DNAJC2: variants seen among roughly 807,000 people sequenced by gnomAD.
The protein encoded by DNAJC2 is DnaJ heat shock protein family (Hsp40) member C2.
DNAJC2 carries 32 observed loss-of-function variants against 94.0 expected under a neutral mutation model. The ratio of observed to expected loss-of-function variants is 0.34; its 90% CI spans 0.26 to 0.46. DNAJC2 has a LOEUF of 0.46. Among genes scored for constraint, DNAJC2 ranks in the 20% least tolerant of loss-of-function variants. DNAJC2 has a pLI of 1.00. For synonymous variants in DNAJC2, 210 were observed against 229.7 expected, an observed-to-expected ratio of 0.91 and a Z score of 0.77; for missense variants, 550 against 719.5, an observed-to-expected ratio of 0.76 and a Z score of 2.69.
Position 103,327,760 on chromosome 7 carries a change from AAACCAGTCAGATTGAG to A in DNAJC2, c.332-22_332-7del, listed in dbSNP as rs1818783079. 2 of 1,597,914 alleles carry A rather than the reference AAACCAGTCAGATTGAG, an allele frequency of 1.3e-6. No individual in the cohort carries two copies. The highest frequency in any genetic ancestry group is 2.7e-5 in the African/African-American group (2 of 74,548). ...TTTTAAAACCATTGCTTTATCTACAAAACCAGTCAGATTGAGATAATTTGTCACTTTAAGCACCAAA... is the reference window on the plus strand; with the variant it reads ...TTTTAAAACCATTGCTTTATCTACAAATAATTTGTCACTTTAAGCACCAAA... On this transcript the variant is annotated splice_region_variant and splice_polypyrimidine_tract_variant and intron_variant, in intron 3 of 16. Transcript: ENST00000379263.
chr7:103,319,660 T>C lies in DNAJC2; in HGVS notation c.1191A>G (p.Glu397=), dbSNP rs369916864. The change falls in exon 12 of 17, where the codon GAA becomes GAG. Residue 397 remains glutamate, a synonymous_variant. Coordinates refer to ENST00000379263, the MANE Select transcript of DNAJC2 (RefSeq NM_014377.3). ...CTTCTTTTGTGCATGATGTGAGTGTTTCATTCAAGCACTGTAAGCTAAAGA... is the reference window on the plus strand; with the variant it reads ...CTTCTTTTGTGCATGATGTGAGTGTCTCATTCAAGCACTGTAAGCTAAAGA... The part of the protein sequence containing the change: ...LELASLQCLN[E]TLTSCTKEVG... The C allele has an allele frequency of 1.2e-6, 2 of 1,613,990 alleles. No individual in the cohort carries two copies. The highest frequency in any genetic ancestry group is 2.7e-5 in the African/African-American group (2 of 74,904).
chr7:103,323,799 C>T, intron 6 of DNAJC2, 136 bp from the exon 7 acceptor site: 1 of 674,532 alleles, frequency 1.5e-6, no homozygotes, highest in Non-Finnish European at 2.1e-6. Flanking sequence ...AGTCTTTCTC[C>T]TTTTTTAAGG....
rs1817830156 is a variant in DNAJC2 at position 103,312,855 on chromosome 7, A to G, written c.1791+92T>C. On this transcript the variant is annotated intron_variant, in intron 16 of 16. Coordinates refer to ENST00000379263, the MANE Select transcript of DNAJC2 (RefSeq NM_014377.3). ...CTACTGGTTTTGAAATAAGCACTAT[A>G]TTATTAACCACTTAATAGACATAAA... 4.6e-6 allele frequency: 7 copies of G among 1,535,996 alleles called. No individual in the cohort carries two copies. In the East Asian group the frequency reaches 9.0e-5, roughly 20 times the overall value.
chr7:103,341,949 T>C lies in DNAJC2; in HGVS notation c.70A>G (p.Thr24Ala), dbSNP rs752618958. The change falls in exon 2 of 17, where the codon ACA becomes GCA. Residue 24 changes from threonine (T) to alanine (A), a missense_variant. Coordinates refer to ENST00000379263, the MANE Select transcript of DNAJC2 (RefSeq NM_014377.3). ...CCCACAGGTTCAACTTGACAGAGTG[T>C]AGAGGCTGTGATTGAAAGTGTTAAG... ...AITHALTSAS[T>A]LCQVEPVGRW... 1 of 1,580,164 alleles carries C rather than the reference T, an allele frequency of 6.3e-7. No homozygotes were observed. Among genetic ancestry groups the C allele is most frequent in the Non-Finnish European group, 8.6e-7 (1 of 1,165,210 alleles).
chr7:103,338,940 A>G (rs1819279074), intron 2 of DNAJC2, among the ~76,000 whole-genome samples: 1 of 152,162 alleles, frequency 6.6e-6, no homozygotes, highest in Non-Finnish European at 1.5e-5. Flanking sequence ...ATAAATTTAA[A>G]AAAGAGGTAA....
intron 3 of DNAJC2, chr7:103,328,786 A>C (rs913425731): frequency 3.5e-6 from 1 of 286,118 alleles, no homozygotes; most frequent in Non-Finnish European, 6.7e-6. Context: ...TTAATACAGT[A>C]TTTCAAGTAG....
At chr7:103,333,974 G>A (rs547510568) in intron 3 of DNAJC2, among the ~76,000 whole-genome samples, 4 of 147,528 alleles carry the variant, frequency 2.7e-5, no homozygotes, top group Non-Finnish European at 6.0e-5. Context: ...TTTTTGAGAC[G>A]GAGTCTCGCT....
intron 13 of DNAJC2, 142 bp downstream of exon 13, chr7:103,316,688 C>A (rs1586065942): frequency 1.5e-6 from 1 of 678,416 alleles, no homozygotes; most frequent in Non-Finnish European, 2.5e-6. Context: ...TCAAAATGCA[C>A]CTCACTTTTC....
intron 12 of DNAJC2, chr7:103,317,272 CTTGGACACTA>C (rs754045234): frequency 1.5e-5 from 6 of 401,648 alleles, no homozygotes; most frequent in Admixed American, 8.3e-5. Context: ...TTCCATTAGC[CTTGGACACTA>C]ATTGACAAGT....
At chr7:103,319,928 G>C (rs1044183373) in intron 10 of DNAJC2, 84 bp from the exon 11 acceptor site, 12 of 1,431,600 alleles carry the variant, frequency 8.4e-6, no homozygotes, top group Admixed American at 1.7e-5. Flanking sequence ...CCAGCTACTC[G>C]GGAGGCTGAG....
chr7:103,326,255 G>C (rs10243712), intron 5 of DNAJC2, among the ~76,000 whole-genome samples: 1 of 152,130 alleles, frequency 6.6e-6, no homozygotes, highest in African/African-American at 2.4e-5. Flanking sequence ...TGGGATTACA[G>C]GTGTGAACCA....
chr7:103,333,225 A>G (rs1361350936), intron 3 of DNAJC2, among the ~76,000 whole-genome samples: 1 of 152,130 alleles, frequency 6.6e-6, no homozygotes, highest in Non-Finnish European at 1.5e-5. Flanking sequence ...TTTTCTTCCT[A>G]CATCTTCCTT....
intron 2 of DNAJC2, among the ~76,000 whole-genome samples, chr7:103,340,520 T>C (rs540039359): frequency 1.3e-5 from 2 of 152,222 alleles, no homozygotes; most frequent in South Asian, 4.1e-4. Flanking sequence ...TTTATAAGCA[T>C]CCTTTTATTA....
At chr7:103,316,737 T>C in intron 13 of DNAJC2, 93 bp downstream of exon 13, 1 of 1,072,286 alleles carries the variant, frequency 9.3e-7, no homozygotes, top group South Asian at 1.5e-5. Context: ...TCTCTGCAAG[T>C]TTCTGTGATA....
Position 103,324,503 on chromosome 7 carries a change from A to G in DNAJC2, c.632T>C (p.Val211Ala). The G allele has an allele frequency of 2.0e-6, 3 of 1,498,292 alleles. No individual in the cohort carries two copies. Among genetic ancestry groups the G allele is most frequent in the South Asian group, 1.3e-5 (1 of 79,072 alleles). The allele number at this position is 1,498,292 out of a possible 1,614,324, so 92.8% of individuals were successfully genotyped here. Residue 211 changes from valine to alanine, a missense_variant, in exon 6 of 17, where the codon GTA (valine) becomes GCA (alanine). Val to Ala is a moderately conservative substitution (Grantham distance 64, BLOSUM62 0). Around this residue, in one of 2 missense-constraint regions of DNAJC2, gnomAD observed 279 missense variants for 416.9 expected, o/e 0.67. Transcript: ENST00000379263. ...TTACCAGAAAGAATAAAATATATCT[A>G]CATCTTCAAATGATGAATTCATATC... ...LGDMNSSFED[V>A]DIFYSFWYNF...
chr7:103,322,392 T>C (rs1818468877), intron 9 of DNAJC2, 119 bp downstream of exon 9: 14 of 1,073,346 alleles, frequency 1.3e-5, no homozygotes, highest in Non-Finnish European at 1.8e-5. Context: ...TCATTCACAG[T>C]AGCACCCAAT....
At chr7:103,332,808 G>A (rs1052704077) in intron 3 of DNAJC2, among the ~76,000 whole-genome samples, 1 of 151,988 alleles carries the variant, frequency 6.6e-6, no homozygotes, top group African/African-American at 2.4e-5. Context: ...ATTTTTTGTA[G>A]AAATGGGGTT....
At chr7:103,330,944 A>G (rs1818944816) in intron 3 of DNAJC2, among the ~76,000 whole-genome samples, 1 of 151,494 alleles carries the variant, frequency 6.6e-6, no homozygotes, top group South Asian at 2.1e-4. Flanking sequence ...TATTTTGTTC[A>G]TAATACATGA....
chr7:103,324,695 T>C, intron 5 of DNAJC2, 133 bp from the exon 6 acceptor site: 1 of 906,952 alleles, frequency 1.1e-6, no homozygotes, highest in South Asian at 2.5e-5. Context: ...ACTCTACAAC[T>C]CGAAGATGGA....
Sources: gnomAD v4.1 joint callset for allele counts (sites outside exome capture counted in the v4.1 genomes callset) on GRCh38, gnomAD v4.1.1 for gene constraint, gnomAD v4.1.1 regional missense constraint, MANE v1.5 for transcripts, NCBI Gene and HGNC (gene_info 2026-07-23, HGNC 2026-07-21) for gene names.